The following PHF21B variants were observed in gnomAD, a reference collection of about 807,000 sequenced individuals.
PHF21B encodes PHD finger protein 21B.
A neutral mutation model predicts 62.2 loss-of-function variants in PHF21B; 22 were observed. The observed-to-expected ratio is 0.35, with a 90% confidence interval of 0.25 to 0.51. The LOEUF is 0.51. Among genes scored for constraint, PHF21B ranks in the 20% least tolerant of loss-of-function variants. PHF21B has a pLI of 0.97. For synonymous variants in PHF21B, 341 were observed against 314.7 expected, an observed-to-expected ratio of 1.08 and a Z score of -0.88; for missense variants, 701 against 707.9, an observed-to-expected ratio of 0.99 and a Z score of 0.11.
At chr22:44,994,273 G>A (rs1347929090) in intron 2 of PHF21B, among the ~76,000 whole-genome samples, 1 of 152,200 alleles carries the variant, frequency 6.6e-6, no homozygotes, top group Admixed American at 6.5e-5. Context: ...AGTTAGCTGA[G>A]GTCATTGTGC....
At chr22:44,939,488 C>G (rs1207416049) in intron 2 of PHF21B, among the ~76,000 whole-genome samples, 1 of 152,230 alleles carries the variant, frequency 6.6e-6, no homozygotes, top group Non-Finnish European at 1.5e-5. Flanking sequence ...GGACCTCCCA[C>G]GAGCTTCCCA....
Position 44,992,549 on chromosome 22 carries a change from C to T in PHF21B, c.120+15996G>A, listed in dbSNP as rs182940859. Among the ~76,000 whole-genome samples, 40 of 152,344 alleles carry T rather than the reference C, an allele frequency of 2.6e-4. No homozygotes were observed. In the East Asian group the frequency reaches 6.2e-3, roughly 23 times the overall value. The stretch of plus-strand genomic sequence containing the variant: ...AACATCTAACAGGCAGGAGCGGAGG[C>T]GAGGTGTGTCTTCCACAGGCTGGAC... On this transcript the variant is annotated intron_variant, in intron 2 of 12. Transcript: ENST00000313237.
chr22:44,896,214 CA>C (rs1219871268), intron 5 of PHF21B, 131 bp from the exon 6 acceptor site: 4 of 900,496 alleles, frequency 4.4e-6, no homozygotes, highest in African/African-American at 1.6e-5. Flanking sequence ...CCTCCAACTC[CA>C]GATGCCAAGT....
chr22:44,889,986 C>G (rs990357551), intron 8 of PHF21B, among the ~76,000 whole-genome samples: 12 of 150,864 alleles, frequency 8.0e-5, no homozygotes, highest in African/African-American at 2.9e-4. Flanking sequence ...GGATCTTACC[C>G]CAGGGCATGA....
At chr22:44,949,871 A>G (rs187277068) in intron 2 of PHF21B, among the ~76,000 whole-genome samples, 32 of 152,318 alleles carry the variant, frequency 2.1e-4, no homozygotes, top group African/African-American at 7.7e-4. Context: ...CCGCTGCAAG[A>G]ACAGATGTGA....
In PHF21B at chr22:44,882,207, A is replaced by G. The variant is rs1438859896; in HGVS notation, c.*879T>C. 5 of 152,692 alleles carry G rather than the reference A, an allele frequency of 3.3e-5. No individual in the cohort carries two copies. The highest frequency in any genetic ancestry group is 7.3e-5 in the Non-Finnish European group (5 of 68,078). 9.5% of individuals were successfully genotyped at this position (152,692 alleles called of 1,614,324 possible). A position where few individuals can be genotyped will look rare whatever the true frequency, so the allele number is the denominator to read the frequency against. ...GAGACAAGAAAGGGCTTCAGTCGTTAAGTTGAATGATTCAACCCCAAGGAG... is the reference window on the plus strand; with the variant it reads ...GAGACAAGAAAGGGCTTCAGTCGTTGAGTTGAATGATTCAACCCCAAGGAG... On this transcript the variant is annotated 3_prime_UTR_variant, in exon 13 of 13. Coordinates refer to ENST00000313237, the MANE Select transcript of PHF21B (RefSeq NM_138415.5).
At chr22:44,920,886 G>C (rs892989520) in intron 2 of PHF21B, among the ~76,000 whole-genome samples, 11 of 152,154 alleles carry the variant, frequency 7.2e-5, no homozygotes, top group African/African-American at 2.7e-4. Context: ...AGACATAATG[G>C]TATTTCCTCA....
intron 2 of PHF21B, among the ~76,000 whole-genome samples, chr22:44,937,032 T>C (rs929907512): frequency 5.3e-5 from 8 of 152,066 alleles, no homozygotes; most frequent in Admixed American, 2.6e-4. Flanking sequence ...ACCCAGCTAC[T>C]TTTTTGTATT....
At chr22:44,945,070 C>T (rs1383058793) in intron 2 of PHF21B, among the ~76,000 whole-genome samples, 1 of 151,802 alleles carries the variant, frequency 6.6e-6, no homozygotes, top group Non-Finnish European at 1.5e-5. Context: ...GCCTGTTTCC[C>T]GTATTAATTT....
At chr22:44,916,158 C>G in intron 4 of PHF21B, 122 bp downstream of exon 4, 1 of 914,184 alleles carries the variant, frequency 1.1e-6, no homozygotes, top group Non-Finnish European at 1.6e-6. Context: ...TCCACTTGAT[C>G]ATTCTGCCTC....
chr22:44,996,374 AC>A (rs1245275819), intron 2 of PHF21B, among the ~76,000 whole-genome samples: 5 of 152,094 alleles, frequency 3.3e-5, no homozygotes, highest in Non-Finnish European at 7.4e-5. Context: ...TCCTTCACTG[AC>A]TGAGAGGTGG....
At chr22:45,008,909 TGA>T in intron 1 of PHF21B, 6 of 1,147,648 alleles carry the variant, frequency 5.2e-6, no homozygotes, top group Non-Finnish European at 6.4e-6. Context: ...CGAGTGAGTG[TGA>T]GTGTGAGTGT....
intron 12 of PHF21B, among the ~76,000 whole-genome samples, chr22:44,884,630 CATT>C (rs1361450454): frequency 6.6e-6 from 1 of 151,648 alleles, no homozygotes; most frequent in Non-Finnish European, 1.5e-5. Context: ...CCATAATCAC[CATT>C]ATCATCACCA....
chr22:44,887,517 TC>T (rs1364952383), intron 10 of PHF21B, among the ~76,000 whole-genome samples: 81 of 151,920 alleles, frequency 5.3e-4, no homozygotes, highest in African/African-American at 1.8e-3. Flanking sequence ...AGAGGCTGCT[TC>T]CCCTCTAGTC....
chr22:44,960,069 G>A (rs960171089), intron 2 of PHF21B, among the ~76,000 whole-genome samples: 1 of 152,174 alleles, frequency 6.6e-6, no homozygotes, highest in Non-Finnish European at 1.5e-5. Context: ...GCTGAAACCT[G>A]AGCATTCCTC....
chr22:44,977,564 C>CAAA (rs796689775), intron 2 of PHF21B, among the ~76,000 whole-genome samples: 1 of 124,014 alleles, frequency 8.1e-6, no homozygotes, highest in African/African-American at 3.0e-5. Flanking sequence ...GACTGTGTCT[C>CAAA]AAAAAAAAAA....
chr22:44,976,047 T>C (rs1041624386), intron 2 of PHF21B, among the ~76,000 whole-genome samples: 13 of 152,168 alleles, frequency 8.5e-5, no homozygotes, highest in Non-Finnish European at 1.5e-4. Flanking sequence ...GGTGCACACC[T>C]GTAGTCCCAG....
At position 44,888,047 on chromosome 22, in the gene PHF21B, C is replaced by T. The variant is rs1191829945; in HGVS notation, c.1113G>A (p.Pro371=). The T allele has an allele frequency of 8.4e-6, 13 of 1,554,266 alleles. No homozygotes were observed. The highest frequency in any genetic ancestry group is 1.4e-5 in the African/African-American group (1 of 73,694). The change falls in exon 10 of 13, where the codon CCG becomes CCA. Residue 371 remains proline (P), a synonymous_variant. Transcript: ENST00000313237. ...GANLQPCGTC[P]GAYHLSCLEP... ...CCAGGCAGCTGAGGTGGTAGGCCCCCGGGCAGGTGCCGCAGGGCTGCAGGT... is the reference window on the plus strand; with the variant it reads ...CCAGGCAGCTGAGGTGGTAGGCCCCTGGGCAGGTGCCGCAGGGCTGCAGGT...
At chr22:44,949,198 G>C (rs371317675) in intron 2 of PHF21B, among the ~76,000 whole-genome samples, 4 of 152,014 alleles carry the variant, frequency 2.6e-5, no homozygotes, top group South Asian at 2.1e-4. Flanking sequence ...ATACTTGGGA[G>C]GCTGAGGCAG....
Sources: allele counts gnomAD v4.1 joint callset (sites outside exome capture counted in the v4.1 genomes callset), GRCh38; gene constraint gnomAD v4.1.1; transcripts MANE v1.5; gene names NCBI Gene and HGNC (gene_info 2026-07-23, HGNC 2026-07-21).